The following RAB3C variants were observed in gnomAD, a reference collection of about 807,000 sequenced individuals.
RAB3C encodes ras-related protein Rab-3C.
In RAB3C, 17 loss-of-function variants were observed where a neutral mutation model predicts 26.4. The ratio of observed to expected loss-of-function variants is 0.64; its 90% confidence interval spans 0.44 to 0.97. The LOEUF (loss-of-function observed/expected upper bound fraction) is 0.97. Ranked by LOEUF, RAB3C falls within the 50% of genes least tolerant of loss-of-function variation. The pLI is 0.00. For synonymous variants in RAB3C, 91 were observed against 95.9 expected (o/e 0.95, Z 0.30); for missense variants, 242 against 281.9 (o/e 0.86, Z 1.01).
At chr5:58,775,856 GGTAA>G (rs1742120778) in intron 3 of RAB3C, among the ~76,000 whole-genome samples, 2 of 152,074 alleles carry the variant, frequency 1.3e-5, no homozygotes, top group Admixed American at 1.3e-4. Context: ...ATATGCTGAT[GGTAA>G]GTGTTACTCA....
At chr5:58,851,048 C>A in intron 4 of RAB3C, 116 bp from the exon 5 acceptor site, 1 of 977,828 alleles carries the variant, frequency 1.0e-6, no homozygotes, top group Non-Finnish European at 1.5e-6. Flanking sequence ...CTACCCCAAA[C>A]CTACCACCCA....
intron 3 of RAB3C, among the ~76,000 whole-genome samples, chr5:58,730,852 C>T (rs755611355): frequency 3.4e-4 from 52 of 152,022 alleles, no homozygotes; most frequent in African/African-American, 1.2e-3. Context: ...AATTTATAAA[C>T]GAAAGAAGTT....
intron 2 of RAB3C, among the ~76,000 whole-genome samples, chr5:58,620,426 A>G (rs1034402072): frequency 5.9e-5 from 9 of 152,230 alleles, no homozygotes; most frequent in African/African-American, 2.2e-4. Flanking sequence ...GAAGTACAAT[A>G]CAAAGATTTT....
chr5:58,670,919 A>G (rs1376130066), intron 2 of RAB3C, among the ~76,000 whole-genome samples: 1 of 152,174 alleles, frequency 6.6e-6, no homozygotes, highest in African/African-American at 2.4e-5. Flanking sequence ...GATCTGTGAA[A>G]TCAAACTCAT....
At chr5:58,586,767 TGAA>T (rs1403865550) in intron 1 of RAB3C, among the ~76,000 whole-genome samples, 2 of 152,084 alleles carry the variant, frequency 1.3e-5, no homozygotes, top group African/African-American at 4.8e-5. Flanking sequence ...TGAGGAGGAT[TGAA>T]GAAGGACTAT....
At chr5:58,637,845 T>C (rs1747322220) in intron 2 of RAB3C, among the ~76,000 whole-genome samples, 1 of 152,176 alleles carries the variant, frequency 6.6e-6, no homozygotes, top group Admixed American at 6.5e-5. Flanking sequence ...ATATGTTCCA[T>C]ATTTTAAAGA....
chr5:58,663,313 G>C (rs1180178331), intron 2 of RAB3C, among the ~76,000 whole-genome samples: 11 of 149,672 alleles, frequency 7.3e-5, no homozygotes, highest in Non-Finnish European at 1.0e-4. Context: ...CCACTGCCTA[G>C]GCGACCCCAC....
chr5:58,813,623 TATATATATATACACAC>T (rs1743143415), intron 3 of RAB3C, among the ~76,000 whole-genome samples: 20 of 26,092 alleles, frequency 7.7e-4, no homozygotes, highest in Non-Finnish European at 1.7e-3. Context: ...TATATATATA[TATATATATATACACAC>T]ACACACACAC....
intron 3 of RAB3C, among the ~76,000 whole-genome samples, chr5:58,747,425 A>G (rs1248261236): frequency 6.6e-6 from 1 of 152,182 alleles, no homozygotes; most frequent in African/African-American, 2.4e-5. Flanking sequence ...GATGTACGCA[A>G]CCGGAGAATA....
chr5:58,604,762 C>A (rs1008708376), intron 1 of RAB3C, among the ~76,000 whole-genome samples: 10 of 152,180 alleles, frequency 6.6e-5, no homozygotes, highest in South Asian at 4.1e-4. Flanking sequence ...GGCTTTAGTT[C>A]TTCCCCAGCC....
intron 4 of RAB3C, among the ~76,000 whole-genome samples, chr5:58,850,717 C>A (rs1487678187): frequency 2.6e-5 from 4 of 151,962 alleles, no homozygotes; most frequent in African/African-American, 7.3e-5. Flanking sequence ...GAATAAGATG[C>A]CAAATAATGC....
chr5:58,812,531 C>G (rs935656672), intron 3 of RAB3C, among the ~76,000 whole-genome samples: 1 of 152,190 alleles, frequency 6.6e-6, no homozygotes, highest in Non-Finnish European at 1.5e-5. Flanking sequence ...CAAACACTTG[C>G]TAATTTAAGT....
chr5:58,758,917 A>G (rs188286083), intron 3 of RAB3C, among the ~76,000 whole-genome samples: 1 of 152,168 alleles, frequency 6.6e-6, no homozygotes, highest in East Asian at 1.9e-4. Context: ...CAGCCTCATA[A>G]CTAGGCACAT....
intron 2 of RAB3C, among the ~76,000 whole-genome samples, chr5:58,699,355 G>A (rs562901729): frequency 7.0e-4 from 106 of 152,264 alleles, no homozygotes; most frequent in African/African-American, 2.4e-3. Flanking sequence ...CAGAGGAGCA[G>A]CCACCTATAT....
At chr5:58,773,192 A>G (rs1488110163) in intron 3 of RAB3C, among the ~76,000 whole-genome samples, 1 of 152,166 alleles carries the variant, frequency 6.6e-6, no homozygotes, top group Non-Finnish European at 1.5e-5. Context: ...GGCAAGTTAT[A>G]AGCCTAGGGC....
At chr5:58,624,859 G>C (rs1418954986) in intron 2 of RAB3C, among the ~76,000 whole-genome samples, 2 of 151,804 alleles carry the variant, frequency 1.3e-5, no homozygotes, top group South Asian at 2.1e-4. Context: ...GTAAAATGAA[G>C]AGGATCCACT....
At chr5:58,758,055 C>T (rs1467509736) in intron 3 of RAB3C, among the ~76,000 whole-genome samples, 1 of 152,202 alleles carries the variant, frequency 6.6e-6, no homozygotes, top group Non-Finnish European at 1.5e-5. Context: ...CATTCTCCTG[C>T]CTCAGCCTCC....
chr5:58,803,668 C>T (rs1159181950), intron 3 of RAB3C, among the ~76,000 whole-genome samples: 1 of 152,118 alleles, frequency 6.6e-6, no homozygotes, highest in African/African-American at 2.4e-5. Context: ...TGAAAAGGAC[C>T]AATCCTTGAC....
At chr5:58,765,286 GT>G (rs1431652248) in intron 3 of RAB3C, among the ~76,000 whole-genome samples, 1 of 152,090 alleles carries the variant, frequency 6.6e-6, no homozygotes, top group African/African-American at 2.4e-5. Context: ...GACTGGCCCA[GT>G]TTTTTCCATT....
Sources: allele counts gnomAD v4.1 joint callset (sites outside exome capture counted in the v4.1 genomes callset), GRCh38; gene constraint gnomAD v4.1.1; transcripts MANE v1.5; gene names NCBI Gene and HGNC (gene_info 2026-07-23, HGNC 2026-07-21).